BRPF1: variants seen among roughly 807,000 people sequenced by gnomAD.
BRPF1 encodes the protein peregrin.
Under a neutral mutation model 115.0 loss-of-function variants are expected in BRPF1, and 15 were observed. The ratio of observed to expected loss-of-function variants is 0.13; its 90% CI spans 0.09 to 0.20. The LOEUF (loss-of-function observed/expected upper bound fraction) is 0.20, where lower values mean the gene tolerates loss of function less well. BRPF1 is among the 10% of genes least tolerant of loss of function. The probability of loss-of-function intolerance (pLI) is 1.00; values close to 1 mark genes in which losing one functional copy is unlikely to be tolerated. For missense variants in BRPF1, 1,118 were observed against 1,638.3 expected (o/e 0.68, Z 5.48); for synonymous variants, 647 against 619.8 (o/e 1.04, Z -0.65).
chr3:9,745,498 G>A lies in BRPF1; in HGVS notation c.3069-75G>A. ...AAGTCTCAGACCCTGCGGGCTTTAA[G>A]AGCTGAGGGCACATACCATGCTGTT... On this transcript the variant is annotated intron_variant, in intron 10 of 13. Coordinates refer to ENST00000383829, the MANE Select transcript of BRPF1 (RefSeq NM_001003694.2). This position sits in a 1 kb window ranked among gnomAD's most constrained non-coding sequence, Gnocchi z 5.1. The A allele has an allele frequency of 6.5e-7, 1 of 1,533,182 alleles. No individual in the cohort carries two copies. The highest frequency in any genetic ancestry group is 1.1e-5 in the South Asian group (1 of 87,988). 95.0% of individuals were successfully genotyped at this position (1,533,182 alleles called of 1,614,324 possible). A position where few individuals can be genotyped will look rare whatever the true frequency, so the allele number is the denominator to read the frequency against.
rs558704139 is a variant in BRPF1 at position 9,738,994 on chromosome 3, C to T, written c.600-5C>T. ...GTGATGCTGAGTTCCCTGTTTGTACCGTAGGTACATCGAGAAGTCTGCAGA... is the reference window on the plus strand; with the variant it reads ...GTGATGCTGAGTTCCCTGTTTGTACTGTAGGTACATCGAGAAGTCTGCAGA... On this transcript the variant is annotated splice_region_variant and splice_polypyrimidine_tract_variant and intron_variant, in intron 2 of 13. Transcript: ENST00000383829. 1.9e-5 allele frequency: 30 copies of T among 1,549,794 alleles called. No individual in the cohort carries two copies. The highest frequency in any genetic ancestry group is 1.9e-4 in the African/African-American group (14 of 73,004).
rs749419314 is a variant in BRPF1, at chr3:9,739,222, G to A, written c.823G>A (p.Val275Ile). 6.2e-7 allele frequency: 1 copy of A among 1,613,656 alleles called. No homozygotes were observed. Among genetic ancestry groups the A allele is most frequent in the Non-Finnish European group, 8.5e-7 (1 of 1,179,636 alleles). The change falls in exon 3 of 14, where the codon GTT becomes ATT. Residue 275 changes from valine (V) to isoleucine (I), a missense_variant. Coordinates refer to ENST00000383829, the MANE Select transcript of BRPF1 (RefSeq NM_001003694.2). Reference protein sequence around the residue: ...DPNALVDEDAVCCICNDGECQ... With the variant: ...DPNALVDEDAICCICNDGECQ... The stretch of plus-strand genomic sequence containing the variant: ...TAATGCGCTAGTGGACGAGGATGCT[G>A]TTTGCTGTATCTGCAATGATGGTGA...
At chr3:9,742,864 C>A in intron 6 of BRPF1, 80 bp from the exon 7 acceptor site, 1 of 1,468,138 alleles carries the variant, frequency 6.8e-7, no homozygotes, top group Non-Finnish European at 9.3e-7. Context: ...GGATGTGTTT[C>A]AGGGGGGCTT....
At position 9,740,835 on chromosome 3, in the gene BRPF1, G is replaced by A. The variant is rs1473287750; in HGVS notation, c.1616G>A (p.Arg539Lys). Residue 539 changes from arginine to lysine, a missense_variant, in exon 4 of 14, where the codon AGG becomes AAG. This residue lies in a region of BRPF1 where 178 missense variants were observed against 303.7 expected (regional missense o/e 0.59). Coordinates refer to ENST00000383829, the MANE Select transcript of BRPF1 (RefSeq NM_001003694.2). Reference protein sequence around the residue: ...TIQRKSQFMQRLHSYWTLKRQ... With the variant: ...TIQRKSQFMQKLHSYWTLKRQ... Reference sequence around the variant, plus strand: ...CAAAGGAAGAGCCAGTTCATGCAGAGGCTGCACAGCTACTGGACACTGAAG... The same window carrying A: ...CAAAGGAAGAGCCAGTTCATGCAGAAGCTGCACAGCTACTGGACACTGAAG... 1 of 1,614,038 alleles carries A rather than the reference G, an allele frequency of 6.2e-7. No homozygotes were observed. Among genetic ancestry groups the A allele is most frequent in the Non-Finnish European group, 8.5e-7 (1 of 1,180,052 alleles).
Position 9,744,412 on chromosome 3 carries a change from A to T in BRPF1, c.2824A>T (p.Met942Leu), listed in dbSNP as rs779075657. Residue 942 changes from methionine (M) to leucine (L), a missense_variant, in exon 9 of 14, where the codon ATG becomes TTG. Physicochemically the swap from Met to Leu is conservative, Grantham distance 15. Around this residue, in one of 10 missense-constraint regions of BRPF1, gnomAD observed 92 missense variants for 102.2 expected, o/e 0.90. Transcript: ENST00000383829. ...TGTGGGGCCCCCCCAGCTCCCCATC[A>T]TGAGTTCCCTGCGTCAGCGCAAGCG... ...SPVGPPQLPI[M>L]SSLRQRKRGR... The T allele has an allele frequency of 3.1e-6, 5 of 1,610,634 alleles. No homozygotes were observed. Among genetic ancestry groups the T allele is most frequent in the South Asian group, 1.1e-5 (1 of 90,716 alleles).
chr3:9,744,844 A>C (rs1218308431), intron 9 of BRPF1, among the ~76,000 whole-genome samples, 164 bp from the exon 10 acceptor site: 1 of 152,180 alleles, frequency 6.6e-6, no homozygotes, highest in African/African-American at 2.4e-5. Context: ...GGCTGTGGCC[A>C]ACTGTGGTAG....
At position 9,745,460 on chromosome 3, in the gene BRPF1, C is replaced by A; in HGVS notation, c.3069-113C>A. The A allele has an allele frequency of 7.9e-7, 1 of 1,266,854 alleles. No individual in the cohort carries two copies. Among genetic ancestry groups the A allele is most frequent in the Non-Finnish European group, 1.1e-6 (1 of 891,402 alleles). 78.5% of individuals were successfully genotyped at this position (1,266,854 alleles called of 1,614,324 possible). A position where few individuals can be genotyped will look rare whatever the true frequency, so the allele number is the denominator to read the frequency against. ...TTGAATTTGAAATTCCTCATATAGC[C>A]TCTGCTTTCCAAAAGTCTCAGACCC... On this transcript the variant is annotated intron_variant, in intron 10 of 13. Transcript: ENST00000383829. This position sits in a 1 kb window ranked among gnomAD's most constrained non-coding sequence, Gnocchi z 5.1.
Position 9,744,489 on chromosome 3 carries a change from C to T in BRPF1, c.2901C>T (p.Ser967=), listed in dbSNP as rs570258257. ...GCTCAGACAGCGACAGTGATAAGTC[C>T]ACAGAAGACCCCCCAATGGGTGAGC... The part of the protein sequence containing the change: ...SSSSDSDSDK[S]TEDPPMDLPA... The change falls in exon 9 of 14, where the codon TCC becomes TCT. Residue 967 remains serine, a synonymous_variant. Coordinates refer to ENST00000383829, the MANE Select transcript of BRPF1 (RefSeq NM_001003694.2). 90 of 1,539,668 alleles carry T rather than the reference C, an allele frequency of 5.8e-5. 2 individuals are homozygous for T. In the South Asian group the frequency reaches 1.1e-3, roughly 18 times the overall value.
At chr3:9,746,055 G>A (rs1296053640) in intron 12 of BRPF1, 125 bp downstream of exon 12, 31 of 1,169,088 alleles carry the variant, frequency 2.7e-5, no homozygotes, top group Non-Finnish European at 3.7e-5. Context: ...AGACTGGTGG[G>A]CAGATACAGC....
At position 9,745,868 on chromosome 3, in the gene BRPF1, C is replaced by A. The variant is rs1378309224; in HGVS notation, c.3262C>A (p.Pro1088Thr). 6.2e-7 allele frequency: 1 copy of A among 1,614,178 alleles called. No individual in the cohort carries two copies. The highest frequency in any genetic ancestry group is 2.2e-5 in the East Asian group (1 of 44,888). The change falls in exon 12 of 14, where the codon CCG becomes ACG. Residue 1088 changes from proline (P) to threonine (T), a missense_variant. Transcript: ENST00000383829. This position sits in a 1 kb window ranked among gnomAD's most constrained non-coding sequence, Gnocchi z 5.1. ...CTGGCTGTCAGAGGATGAGGACTCC[C>A]CGCTGGATGCTCTGGACCTCGTGTG... is the stretch of plus-strand genomic sequence containing the variant. ...AGWLSEDEDS[P>T]LDALDLVWAK...
Position 9,745,954 on chromosome 3 carries a change from C to G in BRPF1, c.3324+24C>G. The G allele has an allele frequency of 6.3e-7, 1 of 1,594,712 alleles. No individual in the cohort carries two copies. Among genetic ancestry groups the G allele is most frequent in the Non-Finnish European group, 8.6e-7 (1 of 1,168,248 alleles). On this transcript the variant is annotated intron_variant, in intron 12 of 13. Transcript: ENST00000383829. The surrounding 1 kb of genome is among the most constrained non-coding windows in gnomAD (Gnocchi z 5.1). ...TGGTATGCTTGCTTCTGTTACACTT[C>G]TTGCTTTCCAATCCCAGAATACAGA... is the stretch of plus-strand genomic sequence containing the variant.
In BRPF1 at chr3:9,747,755, GGAA is replaced by G. The variant is rs2077152403; in HGVS notation, c.*409_*411del. On this transcript the variant is annotated 3_prime_UTR_variant, in exon 14 of 14. Transcript: ENST00000383829. This position sits in a 1 kb window ranked among gnomAD's most constrained non-coding sequence, Gnocchi z 5.6. Reference sequence around the variant, plus strand: ...AGGTGAGTGGGCATCTGTCCAGCCTGGAAGAGGGGCACTAGGTGACTCCCTCCC... The same window carrying G: ...AGGTGAGTGGGCATCTGTCCAGCCTGGAGGGGCACTAGGTGACTCCCTCCC... 1 of 167,246 alleles carries G rather than the reference GGAA, an allele frequency of 6.0e-6. No homozygotes were observed. Among genetic ancestry groups the G allele is most frequent in the Non-Finnish European group, 1.3e-5 (1 of 77,126 alleles). The allele number at this position is 167,246 out of a possible 1,614,324, so 10.4% of individuals were successfully genotyped here.
chr3:9,736,017 T>G (rs2076934215), intron 2 of BRPF1, among the ~76,000 whole-genome samples: 1 of 62,788 alleles, frequency 1.6e-5, no homozygotes, highest in Non-Finnish European at 3.2e-5. Context: ...TTTTTTTTTT[T>G]TTTTTTTTTT....
rs528287023 is a variant in BRPF1, at chr3:9,739,533, A to G, written c.1134A>G (p.Pro378=). Reference sequence around the variant, plus strand: ...CTATTGACAGCATTGAGCACATCCCACCAGCTCGCTGGAAGCTCACCTGCT... The same window carrying G: ...CTATTGACAGCATTGAGCACATCCCGCCAGCTCGCTGGAAGCTCACCTGCT... ...LEPIDSIEHI[P]PARWKLTCYI... The change falls in exon 3 of 14, where the codon CCA becomes CCG. Residue 378 remains proline, a synonymous_variant. Transcript: ENST00000383829. The G allele has an allele frequency of 3.7e-6, 6 of 1,613,284 alleles. No homozygotes were observed. The Admixed American group carries it at 5.0e-5, about 13-fold the overall frequency.
intron 2 of BRPF1, among the ~76,000 whole-genome samples, chr3:9,736,637 C>G (rs902295613): frequency 1.3e-5 from 2 of 152,198 alleles, no homozygotes; most frequent in South Asian, 2.1e-4. Flanking sequence ...TAGACTGACT[C>G]TTTCTTTCTG....
chr3:9,741,526 A>G (rs2077029935), intron 5 of BRPF1, 87 bp downstream of exon 5: 2 of 1,339,974 alleles, frequency 1.5e-6, no homozygotes, highest in Non-Finnish European at 1.9e-6. Context: ...AGTCCCAGCT[A>G]CTCGGGAGGC....
chr3:9,743,518 G>A lies in BRPF1; in HGVS notation c.2312-60G>A. 6.5e-7 allele frequency: 1 copy of A among 1,547,084 alleles called. No homozygotes were observed. The highest frequency in any genetic ancestry group is 8.8e-7 in the Non-Finnish European group (1 of 1,141,202). ...AGTGGGTTTCTTGCTGCCTGCCCAG[G>A]TTCAAGGGGCCCTGAGGGCTGCCCT... On this transcript the variant is annotated intron_variant, in intron 7 of 13. Transcript: ENST00000383829. The surrounding 1 kb of genome is among the most constrained non-coding windows in gnomAD (Gnocchi z 6.1).
chr3:9,744,378 A>G lies in BRPF1; in HGVS notation c.2790A>G (p.Gly930=). ...AGAGCCAGATGACCCCCAGCCACGG[A>G]GGCAGTCCTGTGGGGCCCCCCCAGC... ...NRESQMTPSH[G]GSPVGPPQLP... is the part of the protein sequence containing the mutation. The change falls in exon 9 of 14, where the codon GGA becomes GGG. Residue 930 remains glycine, a synonymous_variant. Coordinates refer to ENST00000383829, the MANE Select transcript of BRPF1 (RefSeq NM_001003694.2). 1.2e-6 allele frequency: 2 copies of G among 1,613,232 alleles called. No homozygotes were observed. Among genetic ancestry groups the G allele is most frequent in the Non-Finnish European group, 1.7e-6 (2 of 1,179,684 alleles).
Position 9,734,060 on chromosome 3 carries a change from G to A in BRPF1, c.-10-71G>A. ...TCCAAGTGAGGGGGAGGGCTAGAAA[G>A]ACTGGGGTCTCTGGTGCAAATGGCC... On this transcript the variant is annotated intron_variant, in intron 1 of 13. Transcript: ENST00000383829. This position sits in a 1 kb window ranked among gnomAD's most constrained non-coding sequence, Gnocchi z 5.7. 1 of 1,517,066 alleles carries A rather than the reference G, an allele frequency of 6.6e-7. No individual in the cohort carries two copies. Among genetic ancestry groups the A allele is most frequent in the Non-Finnish European group, 8.8e-7 (1 of 1,136,362 alleles). 94.0% of individuals were successfully genotyped at this position (1,517,066 alleles called of 1,614,324 possible). A position where few individuals can be genotyped will look rare whatever the true frequency, so the allele number is the denominator to read the frequency against.
Sources: allele counts gnomAD v4.1 joint callset (sites outside exome capture counted in the v4.1 genomes callset), GRCh38; gene constraint gnomAD v4.1.1; regional missense constraint gnomAD v4.1.1; non-coding constraint Gnocchi (gnomAD v3.1); transcripts MANE v1.5; gene names NCBI Gene and HGNC (gene_info 2026-07-23, HGNC 2026-07-21).